Variants in PPAT observed in about 807,000 individuals in gnomAD.
The protein encoded by PPAT is phosphoribosyl pyrophosphate amidotransferase, also known as amidophosphoribosyltransferase.
Under a neutral mutation model 60.2 loss-of-function variants are expected in PPAT, and 20 were observed. The observed-to-expected ratio is 0.33, with a 90% CI of 0.23 to 0.48. The LOEUF is 0.48. Ranked by LOEUF, PPAT falls within the 20% of genes least tolerant of loss-of-function variation. PPAT has a pLI of 0.99. For missense variants in PPAT, 349 were observed against 629.6 expected (o/e 0.55, Z 4.77); for synonymous variants, 194 against 215.1 (o/e 0.90, Z 0.86).
intron 1 of PPAT, among the ~76,000 whole-genome samples, chr4:56,424,862 G>C (rs1717211431): frequency 1.3e-5 from 2 of 152,170 alleles, no homozygotes; most frequent in Non-Finnish European, 2.9e-5. Flanking sequence ...GCAAGCCACT[G>C]CTTTCTGGTA....
intron 1 of PPAT, chr4:56,419,605 CTAA>C: frequency 2.2e-6 from 2 of 911,352 alleles, no homozygotes; most frequent in Non-Finnish European, 2.6e-6. Flanking sequence ...ACCTCTCTAC[CTAA>C]TGCAGGTATC....
At position 56,406,811 on chromosome 4, in the gene PPAT, A is replaced by C. The variant is rs1716253523; in HGVS notation, c.196-110T>G. On this transcript the variant is annotated intron_variant, in intron 2 of 10. Coordinates refer to ENST00000264220, the MANE Select transcript of PPAT (RefSeq NM_002703.5). Reference sequence around the variant, plus strand: ...CAAATAAGACAAAGAAGTACATTTAATATCTCTGTGTTTCAGAATTCTAAT... The same window carrying C: ...CAAATAAGACAAAGAAGTACATTTACTATCTCTGTGTTTCAGAATTCTAAT... 1.2e-5 allele frequency: 9 copies of C among 745,258 alleles called. No individual in the cohort carries two copies. In the East Asian group the frequency reaches 2.4e-4, roughly 20 times the overall value. 46.2% of individuals were successfully genotyped at this position (745,258 alleles called of 1,614,324 possible). A position where few individuals can be genotyped will look rare whatever the true frequency, so the allele number is the denominator to read the frequency against.
At chr4:56,417,638 C>T (rs1390151491) in intron 1 of PPAT, among the ~76,000 whole-genome samples, 1 of 151,972 alleles carries the variant, frequency 6.6e-6, no homozygotes, top group African/African-American at 2.4e-5. Flanking sequence ...AAAAATAGTC[C>T]AGGTGCAGTC....
rs773989619 is a variant in PPAT at position 56,404,092 on chromosome 4, T to G, written c.403-691A>C. On this transcript the variant is annotated intron_variant, in intron 3 of 10. Coordinates refer to ENST00000264220, the MANE Select transcript of PPAT (RefSeq NM_002703.5). ...ATAGTATGTATATACTAATAACGGA[T>G]GACCATGGCTGGAGGCAATAGGAAA... The G allele has an allele frequency of 4.5e-5, 18 of 402,494 alleles. 1 individual carries two copies. The highest frequency in any genetic ancestry group is 3.3e-4 in the South Asian group (18 of 54,614). The allele number at this position is 402,494 out of a possible 1,614,324, so 24.9% of individuals were successfully genotyped here.
intron 9 of PPAT, among the ~76,000 whole-genome samples, chr4:56,398,493 G>T (rs2110037070): frequency 6.6e-6 from 1 of 150,762 alleles, no homozygotes; most frequent in Admixed American, 6.7e-5. Context: ...GTGTGTTTTT[G>T]ACTTTTTTTT....
At chr4:56,433,639 A>G (rs945306016) in intron 1 of PPAT, among the ~76,000 whole-genome samples, 6 of 152,172 alleles carry the variant, frequency 3.9e-5, no homozygotes, top group African/African-American at 1.4e-4. Flanking sequence ...ACCACCAGGC[A>G]ACCCTAAAGA....
intron 1 of PPAT, among the ~76,000 whole-genome samples, chr4:56,426,865 C>A (rs921736667): frequency 6.6e-6 from 1 of 152,198 alleles, no homozygotes; most frequent in Non-Finnish European, 1.5e-5. Flanking sequence ...TCATTCCAAA[C>A]TGAAACTTCT....
In PPAT at chr4:56,402,985, G is replaced by A. The variant is rs1422884428; in HGVS notation, c.661+55C>T. On this transcript the variant is annotated intron_variant, in intron 5 of 10. Coordinates refer to ENST00000264220, the MANE Select transcript of PPAT (RefSeq NM_002703.5). ...CTAAAGATTTCAGGGCTTGATAGCA[G>A]TAGGACAATAATGGAAAAACACTAT... 81 of 1,490,290 alleles carry A rather than the reference G, an allele frequency of 5.4e-5. 1 individual carries two copies. In the South Asian group the frequency reaches 9.4e-4, roughly 17 times the overall value. The allele number at this position is 1,490,290 out of a possible 1,614,324, so 92.3% of individuals were successfully genotyped here. A position where few individuals can be genotyped will look rare whatever the true frequency, so the allele number is the denominator to read the frequency against.
intron 1 of PPAT, among the ~76,000 whole-genome samples, chr4:56,419,295 A>G (rs1031061015): frequency 1.3e-5 from 2 of 152,240 alleles, no homozygotes; most frequent in African/African-American, 4.8e-5. Context: ...ACACATTTAT[A>G]TATTGAACTT....
chr4:56,419,424 A>G (rs555087296), intron 1 of PPAT, among the ~76,000 whole-genome samples: 7 of 152,338 alleles, frequency 4.6e-5, no homozygotes, highest in African/African-American at 1.7e-4. Context: ...TAAAGCCAGT[A>G]ACCGGCATAA....
At chr4:56,416,438 GGTATA>G (rs1383110700) in intron 1 of PPAT, 1 of 631,674 alleles carries the variant, frequency 1.6e-6, no homozygotes, top group African/African-American at 2.0e-5. Context: ...AATGGAACTA[GGTATA>G]GTATAATGGA....
chr4:56,395,688 AG>A (rs1279470017), intron 10 of PPAT, 140 bp from the exon 11 acceptor site: 11 of 525,090 alleles, frequency 2.1e-5, no homozygotes, highest in Non-Finnish European at 3.2e-5. Flanking sequence ...AAAAAAAAAA[AG>A]GAAAAAAAAT....
chr4:56,434,936 G>A (rs953029957), intron 1 of PPAT, among the ~76,000 whole-genome samples: 1 of 152,206 alleles, frequency 6.6e-6, no homozygotes, highest in African/African-American at 2.4e-5. Flanking sequence ...GGTGTTGAAG[G>A]ACCTGGACTG....
chr4:56,420,002 A>G, intron 1 of PPAT: 2 of 985,258 alleles, frequency 2.0e-6, no homozygotes, highest in Non-Finnish European at 2.4e-6. Context: ...AAGATGGAGA[A>G]CATGTCACAG....
At chr4:56,404,029 A>G (rs1440900152) in intron 3 of PPAT, 2 of 452,016 alleles carry the variant, frequency 4.4e-6, no homozygotes, top group Non-Finnish European at 8.9e-6. Flanking sequence ...ACAGACTGGT[A>G]CTAGTCCCTA....
chr4:56,394,080 A>C lies in PPAT; in HGVS notation c.*1272T>G, dbSNP rs1357224478. On this transcript the variant is annotated 3_prime_UTR_variant, in exon 11 of 11. Coordinates refer to ENST00000264220, the MANE Select transcript of PPAT (RefSeq NM_002703.5). ...CAAATTATGGTAACATAACAGAAACAAACACTTTTATGTTTAAAAATTCTT... is the reference window on the plus strand; with the variant it reads ...CAAATTATGGTAACATAACAGAAACCAACACTTTTATGTTTAAAAATTCTT... 6.6e-6 allele frequency: 1 copy of C among 152,260 alleles called. No homozygotes were observed. Among genetic ancestry groups the C allele is most frequent in the African/African-American group, 2.4e-5 (1 of 41,480 alleles). The allele number at this position is 152,260 out of a possible 1,614,324, so 9.4% of individuals were successfully genotyped here.
At chr4:56,434,929 G>A (rs935684042) in intron 1 of PPAT, among the ~76,000 whole-genome samples, 5 of 152,250 alleles carry the variant, frequency 3.3e-5, no homozygotes, top group African/African-American at 9.6e-5. Context: ...ACCTTTAGGT[G>A]TTGAAGGACC....
chr4:56,407,863 G>C, intron 1 of PPAT, 147 bp from the exon 2 acceptor site: 1 of 627,692 alleles, frequency 1.6e-6, no homozygotes, highest in African/African-American at 1.8e-5. Context: ...TACTTCTATT[G>C]ATGATGCTGA....
At position 56,435,575 on chromosome 4, in the gene PPAT, T is replaced by C; in HGVS notation, c.-98A>G. 1.3e-6 allele frequency: 2 copies of C among 1,587,334 alleles called. No homozygotes were observed. The highest frequency in any genetic ancestry group is 1.7e-6 in the Non-Finnish European group (2 of 1,164,270). ...GCCCGTCGAGCTCAGAAGCTCGCGC[T>C]CGCGACAGGCTCTTCCTTCCCGAGG... On this transcript the variant is annotated 5_prime_UTR_variant, in exon 1 of 11. Coordinates refer to ENST00000264220, the MANE Select transcript of PPAT (RefSeq NM_002703.5).
Sources: allele counts gnomAD v4.1 joint callset (sites outside exome capture counted in the v4.1 genomes callset), GRCh38; gene constraint gnomAD v4.1.1; transcripts MANE v1.5; gene names NCBI Gene and HGNC (gene_info 2026-07-23, HGNC 2026-07-21).